The following DOCK10 variants were observed in gnomAD, a reference collection of about 807,000 sequenced individuals.
DOCK10 encodes the protein dedicator of cytokinesis protein 10.
Under a neutral mutation model 280.1 loss-of-function variants are expected in DOCK10, and 145 were observed. The ratio of observed to expected loss-of-function variants is 0.52; its 90% CI spans 0.45 to 0.59. DOCK10 has a LOEUF of 0.59. Among genes scored for constraint, DOCK10 ranks in the 20% least tolerant of loss-of-function variants. The pLI is 0.00. For missense variants in DOCK10, 2,368 were observed against 2,651.7 expected (o/e 0.89, Z 2.35); for synonymous variants, 915 against 942.2 (o/e 0.97, Z 0.53).
intron 1 of DOCK10, among the ~76,000 whole-genome samples, chr2:225,001,852 G>A (rs1706439218): frequency 6.6e-6 from 1 of 152,160 alleles, no homozygotes; most frequent in African/African-American, 2.4e-5. Flanking sequence ...GAGCTCCCTT[G>A]AGCCTGTTTC....
intron 31 of DOCK10, 42 bp from the exon 32 acceptor site, chr2:224,808,128 A>T: frequency 6.4e-7 from 1 of 1,555,374 alleles, no homozygotes; most frequent in Non-Finnish European, 8.8e-7. Context: ...TGAAAATCAA[A>T]TGATCACTTT....
chr2:224,999,222 TTCTC>T (rs972675382), intron 1 of DOCK10, among the ~76,000 whole-genome samples: 4 of 151,176 alleles, frequency 2.6e-5, no homozygotes, highest in African/African-American at 9.8e-5. Flanking sequence ...TTCTTTGTCT[TTCTC>T]TCTCTCTTTC....
chr2:224,806,019 A>C, intron 34 of DOCK10, 107 bp downstream of exon 34: 1 of 640,920 alleles, frequency 1.6e-6, no homozygotes, highest in Non-Finnish European at 2.7e-6. Context: ...ATACTTTGCC[A>C]CGTAGATTAT....
chr2:224,947,511 A>T (rs569946393), intron 1 of DOCK10, among the ~76,000 whole-genome samples: 1 of 152,342 alleles, frequency 6.6e-6, no homozygotes, highest in East Asian at 1.9e-4. Context: ...AGATATTAGA[A>T]TTTTTTGTAT....
At chr2:224,944,494 A>C (rs1486475586) in intron 1 of DOCK10, among the ~76,000 whole-genome samples, 2 of 152,254 alleles carry the variant, frequency 1.3e-5, no homozygotes, top group African/African-American at 2.4e-5. Flanking sequence ...CAGAATGCAC[A>C]GTACCAAACT....
intron 1 of DOCK10, among the ~76,000 whole-genome samples, chr2:225,000,302 TATA>T (rs1455625590): frequency 6.6e-6 from 1 of 152,182 alleles, no homozygotes; most frequent in Non-Finnish European, 1.5e-5. Flanking sequence ...TGCTGCAGTT[TATA>T]ATGATCTATG....
chr2:224,823,044 G>A (rs1236624034), intron 28 of DOCK10, among the ~76,000 whole-genome samples: 6 of 149,798 alleles, frequency 4.0e-5, no homozygotes, highest in South Asian at 2.1e-4. Flanking sequence ...CTAGAGTGCA[G>A]TGGTGTGATC....
At chr2:224,779,179 A>T (rs748317317) in intron 50 of DOCK10, among the ~76,000 whole-genome samples, 2 of 151,852 alleles carry the variant, frequency 1.3e-5, no homozygotes, top group Non-Finnish European at 1.5e-5. Flanking sequence ...GCCTCAGAAT[A>T]CTAGATTAAG....
At chr2:224,808,848 G>A (rs1371057424) in intron 31 of DOCK10, among the ~76,000 whole-genome samples, 1 of 152,042 alleles carries the variant, frequency 6.6e-6, no homozygotes, top group Non-Finnish European at 1.5e-5. Context: ...GTGGGGAGAT[G>A]TGGGGTGAGG....
chr2:224,784,033 A>T (rs928348153), intron 50 of DOCK10, among the ~76,000 whole-genome samples: 1 of 152,202 alleles, frequency 6.6e-6, no homozygotes, highest in Admixed American at 6.5e-5. Context: ...AAATAATATG[A>T]AGAAAATCCT....
Position 224,776,443 on chromosome 2 carries a change from GC to G in DOCK10, c.5803-1329del, listed in dbSNP as rs779523274. On this transcript the variant is annotated intron_variant, in intron 51 of 55. Transcript: ENST00000258390. ...TGGCATTTTCTCATCCCCCCACGCT[GC>G]CCCAGGAACTCTGTGTATACTTTCT... 1.1e-4 allele frequency among the ~76,000 whole-genome samples: 17 copies of G among 152,198 alleles called. No homozygotes were observed. In the East Asian group the frequency reaches 1.9e-3, roughly 17 times the overall value.
At chr2:224,781,708 T>C (rs1392807649) in intron 50 of DOCK10, among the ~76,000 whole-genome samples, 1 of 152,218 alleles carries the variant, frequency 6.6e-6, no homozygotes. Context: ...CATTTTGCAA[T>C]GCAGTAAACA....
chr2:224,836,828 T>C (rs1326028302), intron 25 of DOCK10, among the ~76,000 whole-genome samples: 3 of 152,070 alleles, frequency 2.0e-5, no homozygotes, highest in African/African-American at 7.2e-5. Context: ...CTCAATCTCC[T>C]GACCTCGTGA....
intron 11 of DOCK10, among the ~76,000 whole-genome samples, chr2:224,870,458 C>T (rs1698199186): frequency 6.6e-6 from 1 of 152,132 alleles, no homozygotes; most frequent in Non-Finnish European, 1.5e-5. Flanking sequence ...TTACTCCTAA[C>T]ACTTTGCATT....
intron 3 of DOCK10, 79 bp downstream of exon 3, chr2:224,916,613 GATA>G (rs1159664927): frequency 1.1e-5 from 9 of 828,900 alleles, no homozygotes; most frequent in Non-Finnish European, 1.7e-5. Flanking sequence ...ATGACAGGAA[GATA>G]ATAATAGTAA....
chr2:224,892,376 G>GT (rs1699726988), intron 4 of DOCK10, among the ~76,000 whole-genome samples: 1 of 133,064 alleles, frequency 7.5e-6, no homozygotes, highest in African/African-American at 2.9e-5. Context: ...TCCAGCCTGG[G>GT]GACGAAGTGA....
At chr2:224,817,210 C>T (rs1272573459) in intron 29 of DOCK10, among the ~76,000 whole-genome samples, 1 of 152,126 alleles carries the variant, frequency 6.6e-6, no homozygotes, top group Non-Finnish European at 1.5e-5. Context: ...TTAATTAATT[C>T]GTCTTTCCTC....
At chr2:224,794,417 G>A (rs559705875) in intron 45 of DOCK10, among the ~76,000 whole-genome samples, 2 of 152,206 alleles carry the variant, frequency 1.3e-5, no homozygotes, top group African/African-American at 4.8e-5. Context: ...CTCACATGGT[G>A]CTAAGGATCA....
At chr2:225,026,220 G>T (rs1191691426) in intron 1 of DOCK10, among the ~76,000 whole-genome samples, 2 of 152,176 alleles carry the variant, frequency 1.3e-5, no homozygotes, top group East Asian at 3.8e-4. Flanking sequence ...GAAGCTAGAT[G>T]CCAGAAAGGT....
Sources: gnomAD v4.1 joint callset for allele counts (sites outside exome capture counted in the v4.1 genomes callset) on GRCh38, gnomAD v4.1.1 for gene constraint, MANE v1.5 for transcripts, NCBI Gene and HGNC (gene_info 2026-07-23, HGNC 2026-07-21) for gene names.